Variants in CPED1 observed in about 807,000 individuals in gnomAD.
CPED1 encodes the protein cadherin-like and PC-esterase domain-containing protein 1.
Under a neutral mutation model 128.2 loss-of-function variants are expected in CPED1, and 114 were observed. The observed-to-expected ratio is 0.89, with a 90% CI of 0.76 to 1.04. The LOEUF is 1.04. Ranked by LOEUF, CPED1 falls within the 50% of genes least tolerant of loss-of-function variation. The pLI is 0.00. For missense variants in CPED1, 1,211 were observed against 1,207.1 expected, an observed-to-expected ratio of 1.00 and a Z score of -0.05; for synonymous variants, 462 against 426.7, an observed-to-expected ratio of 1.08 and a Z score of -1.02.
intron 18 of CPED1, among the ~76,000 whole-genome samples, chr7:121,263,313 G>C (rs918256371): frequency 2.0e-5 from 3 of 152,074 alleles, no homozygotes; most frequent in Non-Finnish European, 4.4e-5. Context: ...GAGAGAAATA[G>C]CTGTGACTTA....
At chr7:121,228,210 T>C (rs1265735745) in intron 16 of CPED1, among the ~76,000 whole-genome samples, 3 of 151,862 alleles carry the variant, frequency 2.0e-5, no homozygotes, top group African/African-American at 7.2e-5. Context: ...GATAACTTGC[T>C]GAATGAGAGA....
rs1563024776 is a variant in CPED1 at position 121,098,749 on chromosome 7, TATATAAAA to T, written c.749+924_749+931del. ...TGTCTCAAATATATATATATAAAAA[TATATAAAA>T]ATATATATAAATATATATATATAAA... is the stretch of plus-strand genomic sequence containing the variant. On this transcript the variant is annotated intron_variant, in intron 6 of 22. Coordinates refer to ENST00000310396, the MANE Select transcript of CPED1 (RefSeq NM_024913.5). Among the ~76,000 whole-genome samples, 8 of 50,542 alleles carry T rather than the reference TATATAAAA, an allele frequency of 1.6e-4. No homozygotes were observed. The East Asian group carries it at 5.9e-3, about 37-fold the overall frequency. 33.2% of individuals were successfully genotyped at this position (50,542 alleles called of 152,430 possible).
At chr7:121,226,976 T>C (rs13229558) in intron 16 of CPED1, among the ~76,000 whole-genome samples, 14,487 of 152,044 alleles carry the variant, frequency 0.095, 857 homozygotes, top group South Asian at 0.17. Flanking sequence ...AAGATGCCAG[T>C]CTGTACAAGG....
chr7:121,185,193 G>A (rs1038460382), intron 16 of CPED1, among the ~76,000 whole-genome samples: 2 of 152,094 alleles, frequency 1.3e-5, no homozygotes, highest in East Asian at 3.9e-4. Context: ...AAGAACAGTA[G>A]AAGGTTCCTG....
intron 5 of CPED1, among the ~76,000 whole-genome samples, chr7:121,093,397 T>TACACACACACACACACACACACACACAC (rs10526224): frequency 4.8e-5 from 7 of 145,470 alleles, no homozygotes; most frequent in African/African-American, 1.3e-4. Context: ...CCTTTTTCTG[T>TACACACACACACACACACACACACACAC]ACACACACAC....
chr7:121,268,166 G>A (rs1290699183), intron 21 of CPED1, among the ~76,000 whole-genome samples: 1 of 152,008 alleles, frequency 6.6e-6, no homozygotes, highest in African/African-American at 2.4e-5. Context: ...CAGGAGAGGG[G>A]ACCTTTGATA....
At chr7:121,252,237 A>G (rs1157158379) in intron 18 of CPED1, among the ~76,000 whole-genome samples, 6 of 151,598 alleles carry the variant, frequency 4.0e-5, no homozygotes, top group African/African-American at 7.3e-5. Flanking sequence ...TTAATAAATG[A>G]TACTGGGAAA....
chr7:121,293,983 A>G (rs1792768138), intron 22 of CPED1, among the ~76,000 whole-genome samples: 1 of 151,900 alleles, frequency 6.6e-6, no homozygotes, highest in Non-Finnish European at 1.5e-5. Context: ...TTCGTTATTC[A>G]TTTATAAAGA....
At position 121,130,200 on chromosome 7, in the gene CPED1, C is replaced by A; in HGVS notation, c.1483C>A (p.Pro495Thr). Residue 495 changes from proline (P) to threonine (T), a missense_variant, in exon 12 of 23, where the codon CCT becomes ACT. Coordinates refer to ENST00000310396, the MANE Select transcript of CPED1 (RefSeq NM_024913.5). ...FYDVANPVGN[P>T]GSVLTQYWSL... ...TGATGTGGCAAATCCTGTGGGAAAT[C>A]CTGGCTCAGTCCTGACCCAATACTG... 6.2e-7 allele frequency: 1 copy of A among 1,612,286 alleles called. No homozygotes were observed. Among genetic ancestry groups the A allele is most frequent in the Non-Finnish European group, 8.5e-7 (1 of 1,178,644 alleles).
chr7:121,276,160 C>T (rs553884067), intron 22 of CPED1, among the ~76,000 whole-genome samples: 51 of 152,104 alleles, frequency 3.4e-4, no homozygotes, highest in Middle Eastern at 3.4e-3. Flanking sequence ...ATAGGACTCC[C>T]GTAAGTATCT....
chr7:121,009,312 A>G (rs1250715230), intron 2 of CPED1, among the ~76,000 whole-genome samples: 1 of 152,158 alleles, frequency 6.6e-6, no homozygotes, highest in Non-Finnish European at 1.5e-5. Context: ...GGAGGCCAGT[A>G]GAAAGTTCAG....
intron 5 of CPED1, among the ~76,000 whole-genome samples, chr7:121,089,851 C>G (rs909437534): frequency 1.1e-4 from 17 of 152,184 alleles, no homozygotes; most frequent in Middle Eastern, 3.4e-3. Flanking sequence ...TTGCAGTAGT[C>G]AAGCATTTTT....
chr7:121,260,483 A>AC (rs1791990802), intron 18 of CPED1, among the ~76,000 whole-genome samples: 1 of 151,916 alleles, frequency 6.6e-6, no homozygotes, highest in Non-Finnish European at 1.5e-5. Context: ...TTACAACTGA[A>AC]CCACCCCTTT....
In CPED1 at chr7:121,267,234, C is replaced by T; in HGVS notation, c.2653C>T (p.Leu885=). 2 of 1,592,850 alleles carry T rather than the reference C, an allele frequency of 1.3e-6. No homozygotes were observed. The highest frequency in any genetic ancestry group is 1.7e-6 in the Non-Finnish European group (2 of 1,164,140). ...VLKRENLLNI[L]VIIKTLGIGF... is the part of the protein sequence containing the mutation. ...ATTCAGGGAAAATTTACTCAATATC[C>T]TAGTGATCATCAAAACTTTGGGAAT... Residue 885 remains leucine (L), a synonymous_variant, in exon 21 of 23, where the codon CTA becomes TTA. Coordinates refer to ENST00000310396, the MANE Select transcript of CPED1 (RefSeq NM_024913.5).
intron 16 of CPED1, among the ~76,000 whole-genome samples, chr7:121,179,761 G>T (rs905497181): frequency 6.6e-6 from 1 of 152,020 alleles, no homozygotes; most frequent in African/African-American, 2.4e-5. Context: ...TTGTTCCTTA[G>T]CCTTGCCCCA....
intron 2 of CPED1, among the ~76,000 whole-genome samples, chr7:121,014,060 T>C (rs970667511): frequency 6.6e-6 from 1 of 152,206 alleles, no homozygotes; most frequent in Non-Finnish European, 1.5e-5. Flanking sequence ...CCGTAAGAGA[T>C]AATGTTTGAC....
intron 18 of CPED1, among the ~76,000 whole-genome samples, chr7:121,256,212 A>G (rs1425320621): frequency 6.6e-6 from 1 of 151,780 alleles, no homozygotes; most frequent in Non-Finnish European, 1.5e-5. Context: ...CCAAAACAAC[A>G]TGGTACTGAC....
intron 22 of CPED1, among the ~76,000 whole-genome samples, chr7:121,289,157 A>G (rs1262176833): frequency 1.3e-5 from 2 of 152,096 alleles, no homozygotes; most frequent in African/African-American, 4.8e-5. Context: ...CCTCACTACA[A>G]CCTCCTGATT....
chr7:121,007,831 C>T lies in CPED1; in HGVS notation c.250-7834C>T, dbSNP rs548646422. Among the ~76,000 whole-genome samples, 77 of 151,932 alleles carry T rather than the reference C, an allele frequency of 5.1e-4. 1 individual carries two copies. Among genetic ancestry groups the T allele is most frequent in the Non-Finnish European group, 2.1e-4 (14 of 68,038 alleles). On this transcript the variant is annotated intron_variant, in intron 2 of 22. Transcript: ENST00000310396. ...TTTGCTCTTTCTACACCAAATCAGGCTCCATAGAACAGAACTCACTGCTCA... is the reference window on the plus strand; with the variant it reads ...TTTGCTCTTTCTACACCAAATCAGGTTCCATAGAACAGAACTCACTGCTCA...
Sources: allele counts gnomAD v4.1 joint callset (sites outside exome capture counted in the v4.1 genomes callset), GRCh38; gene constraint gnomAD v4.1.1; transcripts MANE v1.5; gene names NCBI Gene and HGNC (gene_info 2026-07-23, HGNC 2026-07-21).